ZNF711: variants seen among roughly 807,000 people sequenced by gnomAD.
The protein encoded by ZNF711 is zinc finger protein 711.
In ZNF711, 3 loss-of-function variants were observed where a neutral mutation model predicts 43.5. The observed-to-expected ratio is 0.07, with a 90% CI of 0.03 to 0.18. The LOEUF is 0.18. Ranked by LOEUF, ZNF711 falls within the 10% of genes least tolerant of loss-of-function variation. The probability of loss-of-function intolerance (pLI) is 1.00; values close to 1 mark genes in which losing one functional copy is unlikely to be tolerated. For missense variants in ZNF711, 412 were observed against 604.0 expected (o/e 0.68, Z 3.33); for synonymous variants, 209 against 207.7 (o/e 1.01, Z -0.06).
At chrX:85,261,946 T>C (rs1229674408) in intron 5 of ZNF711, among the ~76,000 whole-genome samples, 1 of 111,103 alleles carries the variant, frequency 9.0e-6, no homozygotes, top group Non-Finnish European at 1.9e-5. Context: ...ATTAAGTCTT[T>C]GTTAATTTCG....
intron 5 of ZNF711, among the ~76,000 whole-genome samples, chrX:85,263,832 A>G (rs985271607): frequency 3.6e-5 from 4 of 110,990 alleles, no homozygotes; most frequent in African/African-American, 9.8e-5. Flanking sequence ...AATTGCGATT[A>G]TGTAATATAA....
chrX:85,256,633 TAG>T (rs774314888), intron 5 of ZNF711, among the ~76,000 whole-genome samples: 38 of 110,983 alleles, frequency 3.4e-4, no homozygotes, highest in African/African-American at 1.2e-3. Flanking sequence ...TATCACCAGG[TAG>T]AGTGTGTGTG....
chrX:85,263,053 CATAT>C (rs948922081), intron 5 of ZNF711, among the ~76,000 whole-genome samples: 2 of 109,831 alleles, frequency 1.8e-5, no homozygotes, highest in African/African-American at 6.6e-5. Context: ...AGTACTGTTA[CATAT>C]ATATAATAAG....
intron 5 of ZNF711, 43 bp from the exon 6 acceptor site, chrX:85,264,232 A>G (rs1930906935): frequency 9.1e-6 from 10 of 1,095,560 alleles, no homozygotes; most frequent in Non-Finnish European, 1.3e-5. Flanking sequence ...GTTTTTTGTC[A>G]ATGGTATTTT....
At chrX:85,264,634 T>A (rs1221500348) in intron 6 of ZNF711, among the ~76,000 whole-genome samples, 1 of 111,382 alleles carries the variant, frequency 9.0e-6, no homozygotes, top group African/African-American at 3.3e-5. Context: ...ATGAGTAGAA[T>A]ACTGCAGCAG....
At chrX:85,262,941 AG>A (rs1231045526) in intron 5 of ZNF711, among the ~76,000 whole-genome samples, 1 of 110,610 alleles carries the variant, frequency 9.0e-6, no homozygotes, top group East Asian at 2.8e-4. Flanking sequence ...TGTTTTTAGG[AG>A]TGCTGAATTA....
At position 85,270,592 on chromosome X, in the gene ZNF711, T is replaced by C. The variant is rs1250999505; in HGVS notation, c.1247-59T>C. The C allele has an allele frequency of 2.8e-6, 3 of 1,053,538 alleles. No individual in the cohort carries two copies. The Admixed American group carries it at 7.5e-5, about 26-fold the overall frequency. 86.8% of individuals were successfully genotyped at this position (1,053,538 alleles called of 1,213,427 possible). On this transcript the variant is annotated intron_variant, in intron 10 of 10. Coordinates refer to ENST00000674551, the MANE Select transcript of ZNF711 (RefSeq NM_001330574.2). ...TGCCAACTAGTTTTGGCACCTTTGT[T>C]ATAAAATCCTTTAAAACAGTCTGAC...
Position 85,265,361 on chromosome X carries a change from A to G in ZNF711, c.916+106A>G, listed in dbSNP as rs777122046. The G allele has an allele frequency of 6.8e-6, 6 of 883,896 alleles. No homozygotes were observed. The East Asian group carries it at 2.0e-4, about 29-fold the overall frequency. The allele number at this position is 883,896 out of a possible 1,213,427, so 72.8% of individuals were successfully genotyped here. A position where few individuals can be genotyped will look rare whatever the true frequency, so the allele number is the denominator to read the frequency against. The stretch of plus-strand genomic sequence containing the variant: ...GTATAGGAACAAAGTTCAATAAAAT[A>G]AGCCTGATCCTTTGACCCTTTGCTG... On this transcript the variant is annotated intron_variant, in intron 7 of 10. Coordinates refer to ENST00000674551, the MANE Select transcript of ZNF711 (RefSeq NM_001330574.2).
At position 85,253,182 on chromosome X, in the gene ZNF711, C is replaced by T. The variant is rs1477822811; in HGVS notation, c.80-2077C>T. ...GTAGGAGTTGGTGTTTACCATGCCG[C>T]TCAAGAAAAACATTAAAGCTTTATT... On this transcript the variant is annotated intron_variant, in intron 4 of 10. Coordinates refer to ENST00000674551, the MANE Select transcript of ZNF711 (RefSeq NM_001330574.2). 5.4e-5 allele frequency among the ~76,000 whole-genome samples: 6 copies of T among 111,385 alleles called. No individual in the cohort carries two copies. In the East Asian group the frequency reaches 1.7e-3, roughly 32 times the overall value.
At chrX:85,267,465 T>A (rs201448524) in intron 8 of ZNF711, 50 bp downstream of exon 8, 329 of 1,005,315 alleles carry the variant, frequency 3.3e-4, no homozygotes, top group Non-Finnish European at 4.1e-4. Flanking sequence ...ATGTATTTAC[T>A]CAGCCTTTAG....
Position 85,255,446 on chromosome X carries a change from T to C in ZNF711, c.267T>C (p.Val89=), listed in dbSNP as rs754060195. The change falls in exon 5 of 11, where the codon GTT becomes GTC. Residue 89 remains valine (V), a synonymous_variant. Coordinates refer to ENST00000674551, the MANE Select transcript of ZNF711 (RefSeq NM_001330574.2). ...ETDVVTEGVI[V]PEAVLEADVA... ...ATGTAGTAACAGAAGGTGTGATTGT[T>C]CCTGAAGCGGTACTTGAAGCTGATG... 2.1e-5 allele frequency: 26 copies of C among 1,209,995 alleles called. No homozygotes were observed. Among genetic ancestry groups the C allele is most frequent in the Non-Finnish European group, 2.8e-5 (25 of 895,268 alleles).
intron 4 of ZNF711, among the ~76,000 whole-genome samples, chrX:85,251,928 C>A (rs1929585110): frequency 9.0e-6 from 1 of 111,322 alleles, no homozygotes; most frequent in Non-Finnish European, 1.9e-5. Context: ...ATCTGTAAAC[C>A]ATAGTTCCTC....
chrX:85,252,739 G>C (rs1929657455), intron 4 of ZNF711, among the ~76,000 whole-genome samples: 1 of 111,221 alleles, frequency 9.0e-6, no homozygotes, highest in Admixed American at 9.6e-5. Context: ...CAGACTTCCA[G>C]GATTGTGGCT....
chrX:85,260,811 G>C (rs535751145), intron 5 of ZNF711, among the ~76,000 whole-genome samples: 1 of 109,811 alleles, frequency 9.1e-6, no homozygotes, highest in Non-Finnish European at 1.9e-5. Flanking sequence ...GCTGAACCCC[G>C]CCCCCCCTGC....
chrX:85,258,577 A>ATAT (rs1319390872), intron 5 of ZNF711, among the ~76,000 whole-genome samples: 58 of 109,829 alleles, frequency 5.3e-4, no homozygotes, highest in African/African-American at 1.9e-3. Flanking sequence ...AATAATAATA[A>ATAT]TAATAATAAT....
rs199998038 is a variant in ZNF711 at position 85,268,357 on chromosome X, A to G, written c.1102+16A>G. 1.2e-4 allele frequency: 145 copies of G among 1,188,306 alleles called. No individual in the cohort carries two copies. Among genetic ancestry groups the G allele is most frequent in the Admixed American group, 8.2e-4 (36 of 43,984 alleles). ...CAAGCATCAGGTAAGAGAGCATTGTATATGAGATGTGAGTTAAAGTTCTGG... is the reference window on the plus strand; with the variant it reads ...CAAGCATCAGGTAAGAGAGCATTGTGTATGAGATGTGAGTTAAAGTTCTGG... On this transcript the variant is annotated intron_variant, in intron 9 of 10. Transcript: ENST00000674551.
At chrX:85,266,753 T>G (rs1205296394) in intron 7 of ZNF711, among the ~76,000 whole-genome samples, 2 of 109,369 alleles carry the variant, frequency 1.8e-5, no homozygotes, top group African/African-American at 6.6e-5. Context: ...TCTGGCCTAT[T>G]GAAGAGTGTC....
rs374513201 is a variant in ZNF711 at position 85,271,054 on chromosome X, T to G, written c.1650T>G (p.Pro550=). The change falls in exon 11 of 11, where the codon CCT becomes CCG. Residue 550 remains proline, a synonymous_variant. Transcript: ENST00000674551. ...TGGCCGTTCACAGCAAGAATTTTCC[T>G]CATGTTTGTGTTGAGTGTGGGAAGG... is the stretch of plus-strand genomic sequence containing the variant. ...HLLAVHSKNF[P]HVCVECGKGF... is the part of the protein sequence containing the mutation. 8.3e-7 allele frequency: 1 copy of G among 1,209,559 alleles called. No individual in the cohort carries two copies. Among genetic ancestry groups the G allele is most frequent in the African/African-American group, 1.7e-5 (1 of 57,156 alleles).
chrX:85,272,178 A>G lies in ZNF711; in HGVS notation c.*350A>G. On this transcript the variant is annotated 3_prime_UTR_variant, in exon 11 of 11. Transcript: ENST00000674551. ...TTTCTGAGAAGAGAATACATAATTG[A>G]GTTTAGTGATGCTTTGCTATAGCAA... 2 of 162,860 alleles carry G rather than the reference A, an allele frequency of 1.2e-5. No homozygotes were observed. Among genetic ancestry groups the G allele is most frequent in the Non-Finnish European group, 1.2e-5 (1 of 85,119 alleles). The allele number at this position is 162,860 out of a possible 1,213,427, so 13.4% of individuals were successfully genotyped here.
Sources: gnomAD v4.1 joint callset for allele counts (sites outside exome capture counted in the v4.1 genomes callset) on GRCh38, gnomAD v4.1.1 for gene constraint, MANE v1.5 for transcripts, NCBI Gene and HGNC (gene_info 2026-07-23, HGNC 2026-07-21) for gene names.